SHROOM3: variants seen among roughly 807,000 people sequenced by gnomAD.
SHROOM3 encodes the protein shroom family member 3.
Under a neutral mutation model 138.6 loss-of-function variants are expected in SHROOM3, and 47 were observed. That is an observed-to-expected ratio of 0.34 (90% CI 0.27 to 0.43). SHROOM3 has a LOEUF of 0.43. SHROOM3 is among the 20% of genes least tolerant of loss of function. The pLI is 1.00. For missense variants in SHROOM3, 2,491 were observed against 2,596.5 expected (o/e 0.96, Z 0.88); for synonymous variants, 1,062 against 1,063.3 (o/e 1.00, Z 0.02).
intron 2 of SHROOM3, among the ~76,000 whole-genome samples, chr4:76,556,158 C>G (rs1733480061): frequency 6.6e-6 from 1 of 152,196 alleles, no homozygotes. Context: ...GGGAACCACA[C>G]CTGCATCACA....
chr4:76,492,412 G>T (rs998405190), intron 1 of SHROOM3, among the ~76,000 whole-genome samples: 1 of 152,124 alleles, frequency 6.6e-6, no homozygotes, highest in African/African-American at 2.4e-5. Flanking sequence ...AGATTCAAAA[G>T]GTACATTACA....
chr4:76,584,657 G>A (rs1019123603), intron 2 of SHROOM3, among the ~76,000 whole-genome samples: 1 of 152,176 alleles, frequency 6.6e-6, no homozygotes, highest in South Asian at 2.1e-4. Context: ...GTGGAGATGA[G>A]CTCTGGTCTG....
chr4:76,445,625 T>A (rs760429302), intron 1 of SHROOM3, among the ~76,000 whole-genome samples: 1 of 152,104 alleles, frequency 6.6e-6, no homozygotes, highest in African/African-American at 2.4e-5. Context: ...GAGAGTAGTA[T>A]GAGAAATGGA....
At chr4:76,595,226 A>C (rs1003043904) in intron 2 of SHROOM3, among the ~76,000 whole-genome samples, 1 of 152,228 alleles carries the variant, frequency 6.6e-6, no homozygotes, top group Non-Finnish European at 1.5e-5. Flanking sequence ...ATTAACTCTT[A>C]TTATTATTTA....
Position 76,646,395 on chromosome 4 carries a change from C to G in SHROOM3, c.324-63761C>G, listed in dbSNP as rs551025592. Among the ~76,000 whole-genome samples, 12 of 152,004 alleles carry G rather than the reference C, an allele frequency of 7.9e-5. No homozygotes were observed. In the South Asian group the frequency reaches 2.1e-3, roughly 26 times the overall value. Reference sequence around the variant, plus strand: ...TTTTTATACTTTACCACCTTCCAATCTTTAAGAATAGTCACCATTTCCTTG... The same window carrying G: ...TTTTTATACTTTACCACCTTCCAATGTTTAAGAATAGTCACCATTTCCTTG... On this transcript the variant is annotated intron_variant, in intron 2 of 10. Coordinates refer to ENST00000296043, the MANE Select transcript of SHROOM3 (RefSeq NM_020859.4).
intron 1 of SHROOM3, among the ~76,000 whole-genome samples, chr4:76,537,391 T>C (rs1419392077): frequency 2.6e-5 from 4 of 152,184 alleles, no homozygotes; most frequent in African/African-American, 9.7e-5. Flanking sequence ...GAGCTTTTAC[T>C]CTAAGTGGGT....
chr4:76,562,482 GAT>G (rs1401260726), intron 2 of SHROOM3, among the ~76,000 whole-genome samples: 1 of 152,136 alleles, frequency 6.6e-6, no homozygotes, highest in African/African-American at 2.4e-5. Context: ...GCAAGTCAAT[GAT>G]CTTAAAAGAA....
At chr4:76,689,357 A>C (rs1163275540) in intron 2 of SHROOM3, among the ~76,000 whole-genome samples, 2 of 80,168 alleles carry the variant, frequency 2.5e-5, no homozygotes, top group Non-Finnish European at 5.6e-5. Flanking sequence ...GTGGCGAGCG[A>C]GCGCCGAGCC....
chr4:76,713,639 CATTT>C (rs910323215), intron 3 of SHROOM3, among the ~76,000 whole-genome samples: 4 of 152,146 alleles, frequency 2.6e-5, no homozygotes, highest in Admixed American at 2.0e-4. Flanking sequence ...CAGTAACACA[CATTT>C]ATTATAAAGT....
intron 1 of SHROOM3, among the ~76,000 whole-genome samples, chr4:76,535,720 C>G (rs544094199): frequency 6.6e-6 from 1 of 152,344 alleles, no homozygotes; most frequent in East Asian, 1.9e-4. Context: ...AATGGCCCAT[C>G]ATCATAAAAT....
chr4:76,670,692 G>T (rs1320124549), intron 2 of SHROOM3, among the ~76,000 whole-genome samples: 1 of 152,194 alleles, frequency 6.6e-6, no homozygotes, highest in Non-Finnish European at 1.5e-5. Flanking sequence ...AGTGGCACAT[G>T]CCTGTAATCC....
Position 76,740,095 on chromosome 4 carries a change from G to A in SHROOM3, c.1922G>A (p.Arg641Lys), listed in dbSNP as rs781145002. 15 of 1,613,694 alleles carry A rather than the reference G, an allele frequency of 9.3e-6. No individual in the cohort carries two copies. The highest frequency in any genetic ancestry group is 1.3e-5 in the Non-Finnish European group (15 of 1,180,044). The change falls in exon 5 of 11, where the codon AGG becomes AAG. Residue 641 changes from arginine to lysine, a missense_variant. Coordinates refer to ENST00000296043, the MANE Select transcript of SHROOM3 (RefSeq NM_020859.4). This position sits in a 1 kb window ranked among gnomAD's most constrained non-coding sequence, Gnocchi z 4.0. ...GACCACAATGCCAACCTCTGGAGGA[G>A]GCTGGAGAGAGAAGGCCTAGGCCAG... is the stretch of plus-strand genomic sequence containing the variant. ...QEDHNANLWR[R>K]LEREGLGQSL... is the part of the protein sequence containing the mutation.
intron 2 of SHROOM3, among the ~76,000 whole-genome samples, chr4:76,588,459 A>G (rs1021333118): frequency 2.0e-5 from 3 of 152,148 alleles, no homozygotes; most frequent in Non-Finnish European, 1.5e-5. Context: ...ACAATACACA[A>G]TGGGGCACAA....
intron 1 of SHROOM3, among the ~76,000 whole-genome samples, chr4:76,534,179 T>C (rs4552488): frequency 0.45 from 67,842 of 152,104 alleles, 15,316 homozygotes; most frequent in Admixed American, 0.55. Flanking sequence ...ATTTCAGGGC[T>C]GAGTGGAGCC....
intron 2 of SHROOM3, among the ~76,000 whole-genome samples, chr4:76,643,378 C>A (rs1735730657): frequency 6.6e-6 from 1 of 152,086 alleles, no homozygotes; most frequent in East Asian, 1.9e-4. Flanking sequence ...AGGCACAGAG[C>A]AATTAAAGCA....
At chr4:76,677,716 C>A (rs1252973341) in intron 2 of SHROOM3, among the ~76,000 whole-genome samples, 2 of 152,146 alleles carry the variant, frequency 1.3e-5, no homozygotes, top group African/African-American at 4.8e-5. Context: ...TGTTGGACAC[C>A]GCCCAAATGT....
At chr4:76,745,118 T>C (rs1307414698) in intron 5 of SHROOM3, among the ~76,000 whole-genome samples, 1 of 152,154 alleles carries the variant, frequency 6.6e-6, no homozygotes, top group East Asian at 1.9e-4. Context: ...GCAGAACAAA[T>C]AGATATTAGT....
At chr4:76,578,008 C>A (rs569432831) in intron 2 of SHROOM3, among the ~76,000 whole-genome samples, 3 of 152,052 alleles carry the variant, frequency 2.0e-5, no homozygotes, top group African/African-American at 7.2e-5. Flanking sequence ...CTTTTAATAA[C>A]CCACACCTCC....
Position 76,520,508 on chromosome 4 carries a change from A to G in SHROOM3, c.169-35101A>G, listed in dbSNP as rs1732541170. On this transcript the variant is annotated intron_variant, in intron 1 of 10. Coordinates refer to ENST00000296043, the MANE Select transcript of SHROOM3 (RefSeq NM_020859.4). ...CAGATAAGGAAACTGAGGCCCAGAAAGGTTGCATAATGTGGCTCAGAGAGG... is the reference window on the plus strand; with the variant it reads ...CAGATAAGGAAACTGAGGCCCAGAAGGGTTGCATAATGTGGCTCAGAGAGG... Among the ~76,000 whole-genome samples, 7 of 152,296 alleles carry G rather than the reference A, an allele frequency of 4.6e-5. No individual in the cohort carries two copies. In the South Asian group the frequency reaches 1.2e-3, roughly 27 times the overall value.
Sources: gnomAD v4.1 joint callset for allele counts (sites outside exome capture counted in the v4.1 genomes callset) on GRCh38, gnomAD v4.1.1 for gene constraint, Gnocchi (gnomAD v3.1) non-coding constraint, MANE v1.5 for transcripts, NCBI Gene and HGNC (gene_info 2026-07-23, HGNC 2026-07-21) for gene names.